The following CNIH3 variants were observed in gnomAD, a reference collection of about 807,000 sequenced individuals.
The protein encoded by CNIH3 is protein cornichon homolog 3.
CNIH3 carries 14 observed loss-of-function variants against 24.1 expected under a neutral mutation model. The observed-to-expected ratio is 0.58, with a 90% CI of 0.38 to 0.91. CNIH3 has a LOEUF of 0.91. CNIH3 is among the 40% of genes least tolerant of loss of function. The pLI, the probability that CNIH3 is intolerant of heterozygous loss-of-function variation, is 0.00. For missense variants in CNIH3, 178 were observed against 196.8 expected, an observed-to-expected ratio of 0.90 and a Z score of 0.57; for synonymous variants, 68 against 73.8, an observed-to-expected ratio of 0.92 and a Z score of 0.40.
At chr1:224,435,011 G>A in intron 1 of CNIH3, 1 of 985,538 alleles carries the variant, frequency 1.0e-6, no homozygotes, top group Non-Finnish European at 1.2e-6. Context: ...GGCCCCGCTC[G>A]GGCCTTTCCC....
chr1:224,534,072 G>A (rs1409035782), intron 2 of CNIH3, among the ~76,000 whole-genome samples: 2 of 152,184 alleles, frequency 1.3e-5, no homozygotes, highest in Non-Finnish European at 2.9e-5. Flanking sequence ...GGCTGAGGTG[G>A]GATGATTGCT....
At chr1:224,527,302 A>G (rs1678886851) in intron 2 of CNIH3, among the ~76,000 whole-genome samples, 1 of 152,136 alleles carries the variant, frequency 6.6e-6, no homozygotes, top group Non-Finnish European at 1.5e-5. Context: ...AAATAACCGC[A>G]TTTATCACCC....
At chr1:224,499,153 T>G (rs369224450) in intron 1 of CNIH3, among the ~76,000 whole-genome samples, 112 of 152,374 alleles carry the variant, frequency 7.4e-4, no homozygotes, top group African/African-American at 2.5e-3. Context: ...TTAAAAATGT[T>G]AGTTAAAAAT....
intron 2 of CNIH3, chr1:224,521,659 C>A (rs1678638441): frequency 6.6e-6 from 1 of 152,150 alleles, no homozygotes; most frequent in African/African-American, 2.4e-5. Context: ...ATTTTACCTG[C>A]CTACCTACCT....
chr1:224,504,805 A>T (rs953414626), intron 1 of CNIH3, among the ~76,000 whole-genome samples: 2 of 152,116 alleles, frequency 1.3e-5, no homozygotes, highest in African/African-American at 2.4e-5. Flanking sequence ...GGGAAATGGG[A>T]CATTGCAATA....
intron 3 of CNIH3, among the ~76,000 whole-genome samples, chr1:224,713,336 C>T (rs1480240797): frequency 6.6e-6 from 1 of 152,144 alleles, no homozygotes; most frequent in Non-Finnish European, 1.5e-5. Flanking sequence ...TTGCACAGTT[C>T]CAGGTATTGT....
intron 1 of CNIH3, among the ~76,000 whole-genome samples, chr1:224,441,787 T>G (rs1397970871): frequency 1.3e-5 from 2 of 152,184 alleles, no homozygotes; most frequent in Non-Finnish European, 2.9e-5. Flanking sequence ...TTCAGTTAAT[T>G]GTTATTTTTT....
chr1:224,645,035 C>T (rs1684535829), intron 1 of CNIH3, among the ~76,000 whole-genome samples: 2 of 152,236 alleles, frequency 1.3e-5, no homozygotes, highest in Non-Finnish European at 2.9e-5. Context: ...GAGGCTGCCT[C>T]ACCACTGGGA....
intron 4 of CNIH3, chr1:224,574,682 C>G (rs555379678): frequency 9.0e-7 from 1 of 1,113,686 alleles, no homozygotes; most frequent in African/African-American, 1.5e-5. Flanking sequence ...GGTGAGCGTA[C>G]CATGAGAAGG....
chr1:224,474,323 C>T (rs1676480849), intron 1 of CNIH3, among the ~76,000 whole-genome samples: 1 of 149,834 alleles, frequency 6.7e-6, no homozygotes, highest in Admixed American at 6.6e-5. Flanking sequence ...GAGATTGTGC[C>T]ATTGCATTAC....
intron 1 of CNIH3, among the ~76,000 whole-genome samples, chr1:224,502,660 A>C (rs530290849): frequency 6.7e-6 from 1 of 148,374 alleles, no homozygotes; most frequent in Non-Finnish European, 1.5e-5. Flanking sequence ...TTACTGAGCA[A>C]CCCCCCTGCT....
chr1:224,443,495 T>A (rs1442895090), intron 1 of CNIH3, among the ~76,000 whole-genome samples: 1 of 152,058 alleles, frequency 6.6e-6, no homozygotes, highest in East Asian at 1.9e-4. Flanking sequence ...CTCGATAGCA[T>A]AAGCTTAATA....
intron 1 of CNIH3, chr1:224,454,292 C>G: frequency 4.8e-6 from 4 of 837,616 alleles, no homozygotes; most frequent in Non-Finnish European, 5.7e-6. Context: ...CTGCTTCTAG[C>G]TGTCCTTCCA....
chr1:224,520,684 G>A (rs955964619), intron 1 of CNIH3, among the ~76,000 whole-genome samples: 1 of 152,154 alleles, frequency 6.6e-6, no homozygotes, highest in Admixed American at 6.5e-5. Flanking sequence ...TTTCAGTCCC[G>A]AATTTGTGTA....
chr1:224,547,545 C>A (rs1306890073), intron 3 of CNIH3, among the ~76,000 whole-genome samples: 1 of 151,932 alleles, frequency 6.6e-6, no homozygotes, highest in Non-Finnish European at 1.5e-5. Context: ...GGGTGAAACA[C>A]CCTGTGTGTA....
At chr1:224,662,685 C>T (rs1019699896) in intron 1 of CNIH3, among the ~76,000 whole-genome samples, 29 of 152,158 alleles carry the variant, frequency 1.9e-4, no homozygotes, top group Non-Finnish European at 4.0e-4. Flanking sequence ...TTTATGGGTT[C>T]CTTTTTATTT....
chr1:224,570,447 C>T (rs1187931252), intron 4 of CNIH3, among the ~76,000 whole-genome samples: 1 of 152,146 alleles, frequency 6.6e-6, no homozygotes, highest in Non-Finnish European at 1.5e-5. Flanking sequence ...CATTAATTTG[C>T]TTAGGATAAT....
At chr1:224,681,567 G>C (rs937511405) in intron 2 of CNIH3, among the ~76,000 whole-genome samples, 5 of 152,154 alleles carry the variant, frequency 3.3e-5, no homozygotes, top group Non-Finnish European at 7.3e-5. Flanking sequence ...GTCTGGGTTC[G>C]GGAAGTGAAA....
intron 1 of CNIH3, among the ~76,000 whole-genome samples, chr1:224,651,356 C>T (rs1330076367): frequency 2.0e-5 from 3 of 152,160 alleles, no homozygotes; most frequent in East Asian, 3.9e-4. Flanking sequence ...TGTCTTTTTA[C>T]GGGCACACAC....
Sources: allele counts gnomAD v4.1 joint callset (sites outside exome capture counted in the v4.1 genomes callset), GRCh38; gene constraint gnomAD v4.1.1; transcripts MANE v1.5; gene names NCBI Gene and HGNC (gene_info 2026-07-23, HGNC 2026-07-21).